The following SUCO variants were observed in gnomAD, a reference collection of about 807,000 sequenced individuals.
The protein encoded by SUCO is SUN domain containing ossification factor.
SUCO carries 57 observed loss-of-function variants against 148.1 expected under a neutral mutation model. The ratio of observed to expected loss-of-function variants is 0.38; its 90% confidence interval spans 0.31 to 0.48. SUCO has a LOEUF of 0.48. Among genes scored for constraint, SUCO ranks in the 20% least tolerant of loss-of-function variants. The pLI, the probability that SUCO is intolerant of heterozygous loss-of-function variation, is 0.96. For missense variants in SUCO, 1,331 were observed against 1,468.2 expected (o/e 0.91, Z 1.53); for synonymous variants, 470 against 502.7 (o/e 0.93, Z 0.87).
chr1:172,556,627 C>T, intron 4 of SUCO: 4 of 984,676 alleles, frequency 4.1e-6, no homozygotes, highest in Non-Finnish European at 4.8e-6. Flanking sequence ...ATAACTGGTA[C>T]ATAACTCAAG....
Position 172,562,326 on chromosome 1 carries a change from C to CT in SUCO, c.732+4532_732+4533insT, listed in dbSNP as rs1558184293. ...ACATTTTAAGAAAATTGGGTTTTAA[C>CT]ATTTTTTTTTTTTTTTTTTTTATTT... is the stretch of plus-strand genomic sequence containing the variant. On this transcript the variant is annotated intron_variant, in intron 6 of 23. Coordinates refer to ENST00000263688, the MANE Select transcript of SUCO (RefSeq NM_014283.5). 3.6e-3 allele frequency among the ~76,000 whole-genome samples: 488 copies of CT among 134,926 alleles called. 6 individuals are homozygous for CT. Among genetic ancestry groups the CT allele is most frequent in the African/African-American group, 0.012 (425 of 36,062 alleles). The allele number at this position is 134,926 out of a possible 152,430, so 88.5% of individuals were successfully genotyped here.
Position 172,601,979 on chromosome 1 carries a change from G to C in SUCO, c.3019-85G>C. 1.5e-6 allele frequency: 2 copies of C among 1,324,698 alleles called. 1 individual carries two copies. Among genetic ancestry groups the C allele is most frequent in the Admixed American group, 5.1e-5 (2 of 39,382 alleles). The allele number at this position is 1,324,698 out of a possible 1,614,324, so 82.1% of individuals were successfully genotyped here. A position where few individuals can be genotyped will look rare whatever the true frequency, so the allele number is the denominator to read the frequency against. ...AGCACATTAAAAAAATACTTAAAATGATTTGTCCTTTGAATTTTAGATACC... is the reference window on the plus strand; with the variant it reads ...AGCACATTAAAAAAATACTTAAAATCATTTGTCCTTTGAATTTTAGATACC... On this transcript the variant is annotated intron_variant, in intron 20 of 23. Transcript: ENST00000263688.
chr1:172,550,842 T>G (rs1158826374), intron 1 of SUCO: 2 of 933,196 alleles, frequency 2.1e-6, no homozygotes, highest in Non-Finnish European at 2.6e-6. Flanking sequence ...TCGTAACATA[T>G]TTTTCCTTGA....
chr1:172,545,906 G>GTCCTTCCT (rs563332745), intron 1 of SUCO, among the ~76,000 whole-genome samples: 1 of 151,346 alleles, frequency 6.6e-6, no homozygotes, highest in Non-Finnish European at 1.5e-5. Flanking sequence ...CCGTCCGTCC[G>GTCCTTCCT]TCCTTCCTTC....
chr1:172,601,938 C>A, intron 20 of SUCO, 126 bp from the exon 21 acceptor site: 1 of 897,732 alleles, frequency 1.1e-6, no homozygotes, highest in Non-Finnish European at 1.6e-6. Flanking sequence ...GCATGCCCTG[C>A]ATTTCTGGTC....
chr1:172,569,543 A>G, intron 7 of SUCO: 1 of 975,602 alleles, frequency 1.0e-6, no homozygotes, highest in Non-Finnish European at 1.2e-6. Flanking sequence ...GAACATACCT[A>G]AAGAAAAGCT....
chr1:172,606,492 T>G (rs1422949016), intron 22 of SUCO, among the ~76,000 whole-genome samples: 1 of 151,782 alleles, frequency 6.6e-6, no homozygotes, highest in Admixed American at 6.6e-5. Flanking sequence ...CTTAAAACTC[T>G]TATTTGTCCC....
At chr1:172,594,242 T>A (rs74801163) in intron 19 of SUCO, among the ~76,000 whole-genome samples, 1 of 87,180 alleles carries the variant, frequency 1.1e-5, no homozygotes, top group Non-Finnish European at 2.6e-5. Context: ...AATTTATTGA[T>A]TTTTTTTTTT....
intron 6 of SUCO, among the ~76,000 whole-genome samples, chr1:172,562,222 A>G (rs1012182172): frequency 6.6e-6 from 1 of 152,206 alleles, no homozygotes; most frequent in African/African-American, 2.4e-5. Context: ...AAGCTAAAAG[A>G]GTTAAATGAA....
At chr1:172,571,404 C>T (rs550558697) in intron 9 of SUCO, among the ~76,000 whole-genome samples, 29 of 152,204 alleles carry the variant, frequency 1.9e-4, no homozygotes, top group African/African-American at 6.5e-4. Flanking sequence ...GATCTCGGCT[C>T]GCTACAACCT....
chr1:172,569,297 A>G (rs2149244461), intron 7 of SUCO, 155 bp downstream of exon 7: 1 of 761,942 alleles, frequency 1.3e-6, no homozygotes, highest in East Asian at 1.3e-4. Context: ...CCATCCATCC[A>G]TCATGTACCT....
intron 1 of SUCO, among the ~76,000 whole-genome samples, chr1:172,543,725 A>G (rs1039743331): frequency 6.6e-6 from 1 of 152,182 alleles, no homozygotes; most frequent in Non-Finnish European, 1.5e-5. Context: ...GCACTAGAAC[A>G]TAGAACTTTC....
chr1:172,562,647 T>C (rs2149239093), intron 6 of SUCO, among the ~76,000 whole-genome samples: 1 of 152,358 alleles, frequency 6.6e-6, no homozygotes, highest in South Asian at 2.1e-4. Flanking sequence ...GACCATTCTT[T>C]AGAAAGTGTA....
At chr1:172,575,704 A>G (rs918710727) in intron 11 of SUCO, 81 bp downstream of exon 11, 2 of 941,388 alleles carry the variant, frequency 2.1e-6, no homozygotes, top group African/African-American at 3.3e-5. Flanking sequence ...ATCTTTTTAG[A>G]AATCAGAAAA....
chr1:172,558,356 T>C (rs773502703), intron 6 of SUCO, among the ~76,000 whole-genome samples: 7 of 152,228 alleles, frequency 4.6e-5, no homozygotes, highest in African/African-American at 1.7e-4. Flanking sequence ...CTTCATGCAC[T>C]GTAGAATTTC....
intron 6 of SUCO, among the ~76,000 whole-genome samples, chr1:172,566,373 C>G (rs1271791885): frequency 6.6e-6 from 1 of 152,212 alleles, no homozygotes; most frequent in East Asian, 1.9e-4. Context: ...TCTGCTGTTG[C>G]ATCATCTTGC....
At chr1:172,591,420 C>A (rs1173050229) in intron 19 of SUCO, among the ~76,000 whole-genome samples, 3 of 70,016 alleles carry the variant, frequency 4.3e-5, no homozygotes, top group Admixed American at 2.0e-4. Flanking sequence ...CTAATGCTAT[C>A]CCTCCCCCCT....
intron 20 of SUCO, among the ~76,000 whole-genome samples, chr1:172,600,444 G>A (rs1025334113): frequency 3.3e-5 from 5 of 152,116 alleles, no homozygotes; most frequent in South Asian, 2.1e-4. Flanking sequence ...GTAGCAACAC[G>A]TACTTCATTT....
upstream of SUCO, chr1:172,532,417 C>G: frequency 7.2e-7 from 1 of 1,395,478 alleles, no homozygotes; most frequent in Non-Finnish European, 9.8e-7. Context: ...CGGCAAGCGG[C>G]GAAATTCTTG....
Sources: allele counts gnomAD v4.1 joint callset (sites outside exome capture counted in the v4.1 genomes callset), GRCh38; gene constraint gnomAD v4.1.1; transcripts MANE v1.5; gene names NCBI Gene and HGNC (gene_info 2026-07-23, HGNC 2026-07-21).